ACACB: variants seen among roughly 807,000 people sequenced by gnomAD.
ACACB encodes acetyl-CoA carboxylase beta.
Under a neutral mutation model 278.8 loss-of-function variants are expected in ACACB, and 209 were observed. That is an observed-to-expected ratio of 0.75 (90% confidence interval 0.67 to 0.84). ACACB has a LOEUF of 0.84. Among genes scored for constraint, ACACB ranks in the 40% least tolerant of loss-of-function variants. ACACB has a pLI of 0.00. For synonymous variants in ACACB, 1,174 were observed against 1,285.6 expected (o/e 0.91, Z 1.86); for missense variants, 2,850 against 3,269.0 (o/e 0.87, Z 3.13).
chr12:109,187,725 G>T (rs1264238133), intron 12 of ACACB, among the ~76,000 whole-genome samples: 6 of 151,992 alleles, frequency 3.9e-5, no homozygotes, highest in African/African-American at 1.2e-4. Flanking sequence ...CTCCCAAAGT[G>T]CTGGGATTAC....
chr12:109,185,589 G>A lies in ACACB; in HGVS notation c.1829G>A (p.Gly610Asp), dbSNP rs540118947. The change falls in exon 12 of 53, where the codon GGC (glycine) becomes GAC (aspartate). Residue 610 changes from glycine (G) to aspartate (D), a missense_variant. Around this residue, in one of 3 missense-constraint regions of ACACB, gnomAD observed 2,265 missense variants for 2,561.3 expected, o/e 0.88. Coordinates refer to ENST00000338432, the MANE Select transcript of ACACB (RefSeq NM_001093.4). The stretch of plus-strand genomic sequence containing the variant: ...ATCTCTTGATTTTAGATCGCCATGG[G>A]CGTGCCACTGCACCGGCTGAAGGAT... ...LPAAQLQIAM[G>D]VPLHRLKDIR... 6.2e-7 allele frequency: 1 copy of A among 1,613,828 alleles called. No homozygotes were observed. The highest frequency in any genetic ancestry group is 1.1e-5 in the South Asian group (1 of 91,066).
intron 33 of ACACB, 78 bp from the exon 34 acceptor site, chr12:109,237,087 G>A: frequency 1.4e-6 from 2 of 1,452,438 alleles, no homozygotes; most frequent in East Asian, 2.3e-5. Context: ...AGAGTAGGGT[G>A]TGGACCAAGC....
chr12:109,174,815 A>C (rs1483938661), intron 7 of ACACB, among the ~76,000 whole-genome samples: 2 of 152,156 alleles, frequency 1.3e-5, no homozygotes, highest in African/African-American at 4.8e-5. Context: ...GGTTACAGTG[A>C]ACTATGGTGG....
chr12:109,175,801 AGT>A, intron 7 of ACACB, 128 bp from the exon 8 acceptor site: 1 of 685,758 alleles, frequency 1.5e-6, no homozygotes, highest in Non-Finnish European at 2.6e-6. Context: ...AGCTGAAGGG[AGT>A]GTCTGTATTC....
intron 36 of ACACB, chr12:109,242,132 C>T (rs574262809): frequency 1.5e-4 from 44 of 290,046 alleles, no homozygotes; most frequent in Admixed American, 2.8e-4. Context: ...CAGGACTGTT[C>T]GCACCAACAC....
rs1048858620 is a variant in ACACB at position 109,191,721 on chromosome 12, C to T, written c.2253C>T (p.Ile751=). ...LETESFQNND[I]DTGWLDYLIA... is the part of the protein sequence containing the mutation. ...CCGAGAGCTTCCAGAACAACGACAT[C>T]GACACCGGGTGGTTGGACTACCTCA... The change falls in exon 14 of 53, where the codon ATC becomes ATT. Residue 751 remains isoleucine (I), a synonymous_variant. Coordinates refer to ENST00000338432, the MANE Select transcript of ACACB (RefSeq NM_001093.4). 1.2e-5 allele frequency: 19 copies of T among 1,614,030 alleles called. No individual in the cohort carries two copies. Among genetic ancestry groups the T allele is most frequent in the African/African-American group, 8.0e-5 (6 of 74,892 alleles).
intron 2 of ACACB, among the ~76,000 whole-genome samples, chr12:109,164,916 T>G (rs111988508): frequency 0.011 from 1,657 of 151,834 alleles, 37 homozygotes; most frequent in African/African-American, 0.038. Flanking sequence ...TACTTGAGGA[T>G]GTCTTCCACT....
intron 4 of ACACB, among the ~76,000 whole-genome samples, 168 bp downstream of exon 4, chr12:109,168,202 A>G (rs1206093726): frequency 1.3e-5 from 2 of 152,208 alleles, no homozygotes; most frequent in African/African-American, 4.8e-5. Context: ...GTCTGCTGAC[A>G]TCAAGAACAA....
chr12:109,235,834 C>T (rs2046618313), intron 33 of ACACB, 187 bp downstream of exon 33: 2 of 540,600 alleles, frequency 3.7e-6, no homozygotes, highest in African/African-American at 1.9e-5. Context: ...CCTGTCTCTA[C>T]AAAAAAATTA....
chr12:109,169,549 C>T (rs762246494), intron 4 of ACACB, among the ~76,000 whole-genome samples: 1 of 152,140 alleles, frequency 6.6e-6, no homozygotes, highest in Non-Finnish European at 1.5e-5. Context: ...CCTCCATCAG[C>T]CGGGTACCAG....
At chr12:109,143,575 G>A (rs754130804) in intron 2 of ACACB, among the ~76,000 whole-genome samples, 5 of 151,914 alleles carry the variant, frequency 3.3e-5, no homozygotes, top group Non-Finnish European at 5.9e-5. Context: ...CCCGGTATGT[G>A]TGCATTTTCA....
intron 35 of ACACB, among the ~76,000 whole-genome samples, chr12:109,240,821 TCA>T (rs140239464): frequency 0.026 from 3,999 of 152,126 alleles, 68 homozygotes; most frequent in Middle Eastern, 0.058. Flanking sequence ...CTTATCAGCC[TCA>T]GTTTCCTTAT....
rs1593738077 is a variant in ACACB at position 109,262,230 on chromosome 12, G to GT, written c.6675-126dup. 3.7e-5 allele frequency: 25 copies of GT among 678,584 alleles called. No homozygotes were observed. In the East Asian group the frequency reaches 6.3e-4, roughly 17 times the overall value. 42.0% of individuals were successfully genotyped at this position (678,584 alleles called of 1,614,324 possible). A position where few individuals can be genotyped will look rare whatever the true frequency, so the allele number is the denominator to read the frequency against. ...CTAAGGGCACACAGCATGTGTGGGG[G>GT]TAAAAGAGCTGAGGACTGACACCCA... On this transcript the variant is annotated intron_variant, in intron 48 of 52. Coordinates refer to ENST00000338432, the MANE Select transcript of ACACB (RefSeq NM_001093.4).
At position 109,171,876 on chromosome 12, in the gene ACACB, G is replaced by A. The variant is rs749429433; in HGVS notation, c.997G>A (p.Glu333Lys). Residue 333 changes from glutamate to lysine, a missense_variant, in exon 5 of 53, where the codon GAG (glutamate) becomes AAG (lysine). By Grantham distance (56) the Glu-to-Lys change is moderately conservative. This residue lies in a region of ACACB where 2,265 missense variants were observed against 2,561.3 expected (regional missense o/e 0.88). Transcript: ENST00000338432. ...CAATAACAACAACTATGCCAACGTG[G>A]AGCTGATTGTGGACATTGCCAAGAG... The part of the protein sequence containing the change: ...GPNNNNYANV[E>K]LIVDIAKRIP... The A allele has an allele frequency of 1.9e-6, 3 of 1,613,992 alleles. No individual in the cohort carries two copies. Among genetic ancestry groups the A allele is most frequent in the Non-Finnish European group, 2.5e-6 (3 of 1,180,028 alleles).
intron 2 of ACACB, among the ~76,000 whole-genome samples, chr12:109,158,849 T>A: frequency 6.6e-6 from 1 of 151,054 alleles, no homozygotes; most frequent in South Asian, 2.1e-4. Flanking sequence ...GTAGCACACA[T>A]CTGTAGTCCC....
At chr12:109,252,964 G>C (rs756634136) in intron 42 of ACACB, 51 bp from the exon 43 acceptor site, 1 of 1,442,394 alleles carries the variant, frequency 6.9e-7, no homozygotes, top group Admixed American at 2.2e-5. Flanking sequence ...CAAACAGGTG[G>C]TAGAGCCCTG....
At chr12:109,173,277 A>G (rs987427291) in intron 6 of ACACB, among the ~76,000 whole-genome samples, 8 of 152,218 alleles carry the variant, frequency 5.3e-5, no homozygotes, top group Non-Finnish European at 1.2e-4. Context: ...GTTTACCTAT[A>G]TAACAAATTT....
intron 22 of ACACB, among the ~76,000 whole-genome samples, chr12:109,216,226 T>C: frequency 6.7e-6 from 1 of 148,194 alleles, no homozygotes; most frequent in South Asian, 2.2e-4. Flanking sequence ...TCTCTTTTTT[T>C]TTTTTTTTTT....
At chr12:109,112,514 C>T (rs929093406), upstream of ACACB, among the ~76,000 whole-genome samples, 10 of 151,906 alleles carry the variant, frequency 6.6e-5, no homozygotes, top group South Asian at 1.2e-3. Context: ...ACCAGCCTGA[C>T]CAGCATGGAG....
Sources: allele counts gnomAD v4.1 joint callset (sites outside exome capture counted in the v4.1 genomes callset), GRCh38; gene constraint gnomAD v4.1.1; regional missense constraint gnomAD v4.1.1; transcripts MANE v1.5; gene names NCBI Gene and HGNC (gene_info 2026-07-23, HGNC 2026-07-21).